The following SAMD12 variants were observed in gnomAD, a reference collection of about 807,000 sequenced individuals.
SAMD12 encodes sterile alpha motif domain containing 12.
A neutral mutation model predicts 15.0 loss-of-function variants in SAMD12; 9 were observed. The ratio of observed to expected loss-of-function variants is 0.60; its 90% CI spans 0.36 to 1.05. The LOEUF is 1.05. Ranked by LOEUF, SAMD12 falls within the 50% of genes least tolerant of loss-of-function variation. The probability of loss-of-function intolerance (pLI) is 0.01; values close to 1 mark genes in which losing one functional copy is unlikely to be tolerated. For missense variants in SAMD12, 230 were observed against 234.2 expected (o/e 0.98, Z 0.12); for synonymous variants, 86 against 90.1 (o/e 0.96, Z 0.25).
At chr8:118,157,100 C>T in the SAMD12 span, among the ~76,000 whole-genome samples, 1 of 151,136 alleles carries the variant, frequency 6.6e-6, no homozygotes, top group Admixed American at 6.7e-5. Flanking sequence ...TGAAGTCATG[C>T]TTTTTTAGAG....
intron 4 of SAMD12, among the ~76,000 whole-genome samples, chr8:118,329,953 G>A (rs1171606385): frequency 2.0e-5 from 3 of 152,054 alleles, no homozygotes; most frequent in Admixed American, 6.6e-5. Context: ...ATTAATGAGG[G>A]CTGAGATGGA....
intron 4 of SAMD12, among the ~76,000 whole-genome samples, chr8:118,311,033 A>G (rs962522808): frequency 5.9e-5 from 9 of 152,334 alleles, no homozygotes; most frequent in African/African-American, 1.9e-4. Flanking sequence ...CTGTTACCTC[A>G]TTAATTCTCA....
intron 2 of SAMD12, among the ~76,000 whole-genome samples, chr8:118,509,680 G>A (rs1053051461): frequency 6.6e-6 from 1 of 152,108 alleles, no homozygotes; most frequent in African/African-American, 2.4e-5. Context: ...ATTATGATTA[G>A]TTTATTATTT....
intron 2 of SAMD12, among the ~76,000 whole-genome samples, chr8:118,559,077 A>G (rs1826632948): frequency 6.6e-6 from 1 of 152,208 alleles, no homozygotes; most frequent in Non-Finnish European, 1.5e-5. Flanking sequence ...TTCCCTCCAG[A>G]GTGGATTTTG....
At chr8:118,593,860 A>T (rs1416097369) in intron 1 of SAMD12, among the ~76,000 whole-genome samples, 1 of 152,250 alleles carries the variant, frequency 6.6e-6, no homozygotes, top group Non-Finnish European at 1.5e-5. Flanking sequence ...AAAAAAATAA[A>T]CATAATGCCA....
intron 3 of SAMD12, among the ~76,000 whole-genome samples, chr8:118,436,022 G>A (rs766175647): frequency 2.0e-4 from 30 of 152,150 alleles, no homozygotes; most frequent in African/African-American, 6.8e-4. Context: ...AAATTATATT[G>A]TATTACCCTC....
intron 4 of SAMD12, among the ~76,000 whole-genome samples, chr8:118,214,502 T>C (rs1811910067): frequency 6.6e-6 from 1 of 152,266 alleles, no homozygotes; most frequent in Non-Finnish European, 1.5e-5. Context: ...TGTAGTGTGA[T>C]GTTCAGCTAA....
intron 2 of SAMD12, among the ~76,000 whole-genome samples, chr8:118,444,900 A>G (rs958413155): frequency 6.6e-6 from 1 of 152,224 alleles, no homozygotes; most frequent in Non-Finnish European, 1.5e-5. Context: ...ACTCTTAACT[A>G]GGTGAGCCCA....
At chr8:118,282,302 G>T (rs141244525) in intron 4 of SAMD12, 3 of 456,006 alleles carry the variant, frequency 6.6e-6, no homozygotes, top group Non-Finnish European at 1.3e-5. Flanking sequence ...CCTTGTTTTC[G>T]CCATTTTGCC....
intron 2 of SAMD12, among the ~76,000 whole-genome samples, chr8:118,447,106 G>T (rs1725752038): frequency 6.6e-6 from 1 of 151,874 alleles, no homozygotes; most frequent in East Asian, 1.9e-4. Flanking sequence ...TCTTTCTCTT[G>T]TACTCCACAT....
intron 4 of SAMD12, among the ~76,000 whole-genome samples, chr8:118,240,983 CAGCAGGAGCCAAG>C (rs1345880649): frequency 6.6e-6 from 1 of 152,062 alleles, no homozygotes; most frequent in Non-Finnish European, 1.5e-5. Context: ...TTTCCTTTAC[CAGCAGGAGCCAAG>C]AGCTCGGCTT....
Position 118,379,277 on chromosome 8 carries a change from G to T in SAMD12, c.*140C>A. ...GATTGATGTGACTGGTATTCTCTGG[G>T]GTTGTGCAGTACACAATCCATACAA... On this transcript the variant is annotated 3_prime_UTR_variant, in exon 4 of 4. Transcript: ENST00000314727. The T allele has an allele frequency of 6.9e-7, 1 of 1,442,252 alleles. No homozygotes were observed. The highest frequency in any genetic ancestry group is 1.5e-5 in the South Asian group (1 of 68,260). The allele number at this position is 1,442,252 out of a possible 1,614,324, so 89.3% of individuals were successfully genotyped here.
the SAMD12 span, among the ~76,000 whole-genome samples, chr8:118,138,137 G>A: frequency 1.3e-5 from 2 of 152,154 alleles, no homozygotes; most frequent in African/African-American, 2.4e-5. Context: ...GGATAAGGAG[G>A]AGGCAGCATG....
intron 1 of SAMD12, among the ~76,000 whole-genome samples, chr8:118,601,568 CATT>C (rs1406959128): frequency 6.6e-6 from 1 of 152,190 alleles, no homozygotes; most frequent in Non-Finnish European, 1.5e-5. Context: ...CATCGTTACT[CATT>C]ATCATCAGAA....
At chr8:118,539,174 T>C (rs965919550) in intron 2 of SAMD12, among the ~76,000 whole-genome samples, 2 of 152,250 alleles carry the variant, frequency 1.3e-5, no homozygotes, top group Admixed American at 1.3e-4. Context: ...TTGCTGATCA[T>C]ATATAGATAT....
At position 118,399,038 on chromosome 8, in the gene SAMD12, C is replaced by A. The variant is rs1820735991; in HGVS notation, c.323-19338G>T. Among the ~76,000 whole-genome samples, 8 of 152,054 alleles carry A rather than the reference C, an allele frequency of 5.3e-5. No individual in the cohort carries two copies. The South Asian group carries it at 1.7e-3, about 32-fold the overall frequency. The stretch of plus-strand genomic sequence containing the variant: ...AGCTGAGAATACAGGCACAGGCCAC[C>A]ACACCTGCTAATTTTTAAAGTTTTT... On this transcript the variant is annotated intron_variant, in intron 3 of 3. Coordinates refer to ENST00000314727, the MANE Select transcript of SAMD12 (RefSeq NM_207506.3).
chr8:118,238,669 G>A (rs1812490548), intron 4 of SAMD12, among the ~76,000 whole-genome samples: 1 of 152,102 alleles, frequency 6.6e-6, no homozygotes, highest in African/African-American at 2.4e-5. Context: ...CCATGGAAAG[G>A]ACACATGCAA....
the SAMD12 span, among the ~76,000 whole-genome samples, chr8:118,181,052 A>AT: frequency 9.8e-4 from 145 of 148,564 alleles, no homozygotes; most frequent in Middle Eastern, 7.1e-3. Flanking sequence ...TTTGTATTAA[A>AT]TTTTTTTTTT....
At chr8:118,367,747 T>C (rs930795406) in intron 4 of SAMD12, among the ~76,000 whole-genome samples, 1 of 152,168 alleles carries the variant, frequency 6.6e-6, no homozygotes, top group Non-Finnish European at 1.5e-5. Flanking sequence ...GAAGCAGCAA[T>C]GACAAGGATC....
Sources: allele counts gnomAD v4.1 joint callset (sites outside exome capture counted in the v4.1 genomes callset), GRCh38; gene constraint gnomAD v4.1.1; transcripts MANE v1.5; gene names NCBI Gene and HGNC (gene_info 2026-07-23, HGNC 2026-07-21).